Variants in SRGAP3 observed in about 807,000 individuals in gnomAD.
The protein encoded by SRGAP3 is SLIT-ROBO Rho GTPase-activating protein 3.
A neutral mutation model predicts 121.1 loss-of-function variants in SRGAP3; 39 were observed. The observed-to-expected ratio is 0.32, with a 90% CI of 0.25 to 0.42. The LOEUF is 0.42. Among genes scored for constraint, SRGAP3 ranks in the 10% least tolerant of loss-of-function variants. The probability of loss-of-function intolerance (pLI) is 1.00; values close to 1 mark genes in which losing one functional copy is unlikely to be tolerated. For missense variants in SRGAP3, 1,213 were observed against 1,470.6 expected (o/e 0.82, Z 2.86); for synonymous variants, 601 against 570.0 (o/e 1.05, Z -0.77).
intron 1 of SRGAP3, among the ~76,000 whole-genome samples, chr3:9,206,636 T>C (rs889084026): frequency 1.3e-5 from 2 of 152,170 alleles, no homozygotes; most frequent in African/African-American, 2.4e-5. Flanking sequence ...GCACATGCTG[T>C]TTCTCCCACC....
chr3:9,222,127 C>A (rs572484056), intron 1 of SRGAP3, among the ~76,000 whole-genome samples: 1 of 152,168 alleles, frequency 6.6e-6, no homozygotes, highest in African/African-American at 2.4e-5. Flanking sequence ...AGGGAGGAGG[C>A]ATCACAGACA....
intron 1 of SRGAP3, among the ~76,000 whole-genome samples, chr3:9,164,720 G>C (rs1349779095): frequency 6.6e-6 from 1 of 152,142 alleles, no homozygotes; most frequent in Non-Finnish European, 1.5e-5. Context: ...CATCTTCCTT[G>C]CCAAACAATA....
chr3:9,191,533 C>A (rs1202576978), intron 1 of SRGAP3, among the ~76,000 whole-genome samples: 2 of 152,180 alleles, frequency 1.3e-5, no homozygotes, highest in African/African-American at 4.8e-5. Flanking sequence ...TCAGGGAAGG[C>A]TCCACACAGG....
At chr3:9,017,968 C>G (rs56000527) in intron 14 of SRGAP3, among the ~76,000 whole-genome samples, 44,940 of 152,004 alleles carry the variant, frequency 0.3, 7,274 homozygotes, top group African/African-American at 0.43. Flanking sequence ...CTATCTAATT[C>G]TATGTCTGTA....
intron 2 of SRGAP3, among the ~76,000 whole-genome samples, chr3:9,329,448 A>G (rs997210457): frequency 6.6e-6 from 1 of 152,202 alleles, no homozygotes; most frequent in African/African-American, 2.4e-5. Context: ...TAAAACACAG[A>G]CATTAGCTAC....
At chr3:9,176,142 A>C (rs544523319) in intron 1 of SRGAP3, among the ~76,000 whole-genome samples, 1 of 152,214 alleles carries the variant, frequency 6.6e-6, no homozygotes, top group South Asian at 2.1e-4. Flanking sequence ...GGCTGGTCTC[A>C]AACTCCAGAC....
chr3:9,151,947 G>C (rs1319815039), intron 1 of SRGAP3, among the ~76,000 whole-genome samples: 1 of 152,204 alleles, frequency 6.6e-6, no homozygotes, highest in East Asian at 1.9e-4. Context: ...CCGGGTTCCT[G>C]GGCAGAGCCC....
chr3:9,336,860 G>A (rs1333131713), intron 1 of SRGAP3, among the ~76,000 whole-genome samples: 3 of 151,998 alleles, frequency 2.0e-5, no homozygotes, highest in African/African-American at 7.3e-5. Flanking sequence ...TACATGAATG[G>A]GCTCATGTAA....
rs973707635 is a variant in SRGAP3, at chr3:8,981,365, CCCCATGGTTGTGAG to C, written c.*4140_*4153del. The C allele has an allele frequency of 2.1e-5, 5 of 232,724 alleles. No homozygotes were observed. Among genetic ancestry groups the C allele is most frequent in the African/African-American group, 8.8e-5 (4 of 45,306 alleles). 14.4% of individuals were successfully genotyped at this position (232,724 alleles called of 1,614,324 possible). On this transcript the variant is annotated 3_prime_UTR_variant, in exon 22 of 22. Coordinates refer to ENST00000383836, the MANE Select transcript of SRGAP3 (RefSeq NM_014850.4). ...CGACTCCCAGCCCAGCAGGGGCTAA[CCCCATGGTTGTGAG>C]CCAGCCACTCTTCTTTCTGGGTTTC...
upstream of SRGAP3, among the ~76,000 whole-genome samples, chr3:9,252,236 C>G (rs1183380934): frequency 2.0e-5 from 3 of 152,096 alleles, no homozygotes; most frequent in Non-Finnish European, 4.4e-5. Context: ...GAGGCCTCAT[C>G]AGAAGCCAAG....
At chr3:9,348,976 G>A in intron 1 of SRGAP3, 1 of 919,198 alleles carries the variant, frequency 1.1e-6, no homozygotes, top group Non-Finnish European at 1.8e-6. Flanking sequence ...AGGGGAAGCA[G>A]GTACTAATTG....
intron 10 of SRGAP3, among the ~76,000 whole-genome samples, chr3:9,045,338 C>T (rs1016053836): frequency 6.6e-6 from 1 of 152,166 alleles, no homozygotes; most frequent in Non-Finnish European, 1.5e-5. Context: ...TTCTTAGCTG[C>T]CCCTCTACTT....
intron 3 of SRGAP3, among the ~76,000 whole-genome samples, chr3:9,308,246 A>T (rs768746683): frequency 3.3e-5 from 5 of 152,248 alleles, no homozygotes; most frequent in African/African-American, 9.6e-5. Flanking sequence ...ACACATCAAC[A>T]GTGGTACCCT....
intron 1 of SRGAP3, among the ~76,000 whole-genome samples, chr3:9,361,614 C>G (rs1399144830): frequency 6.6e-6 from 1 of 152,158 alleles, no homozygotes. Context: ...CTACTCATGA[C>G]AGGATGGGAA....
chr3:9,014,052 G>C, intron 15 of SRGAP3: 5 of 623,832 alleles, frequency 8.0e-6, no homozygotes, highest in South Asian at 5.3e-5. Context: ...GCCTAATCAA[G>C]AACCAATCAG....
chr3:9,168,533 A>C (rs1950873495), intron 1 of SRGAP3, among the ~76,000 whole-genome samples: 3 of 152,222 alleles, frequency 2.0e-5, no homozygotes. Flanking sequence ...GTTTCCATTC[A>C]CCTGCGCTTT....
intron 2 of SRGAP3, among the ~76,000 whole-genome samples, chr3:9,329,432 G>C (rs576499747): frequency 6.6e-6 from 1 of 152,052 alleles, no homozygotes; most frequent in Non-Finnish European, 1.5e-5. Context: ...AGCAAAATAC[G>C]TGTGATAAAA....
intron 4 of SRGAP3, among the ~76,000 whole-genome samples, chr3:9,069,563 G>A (rs1027503653): frequency 4.6e-5 from 7 of 152,200 alleles, no homozygotes; most frequent in African/African-American, 1.7e-4. Context: ...ACTGTTCTTG[G>A]ACCAAGTTCA....
chr3:9,069,320 A>G (rs1946572285), intron 4 of SRGAP3, among the ~76,000 whole-genome samples: 1 of 152,146 alleles, frequency 6.6e-6, no homozygotes, highest in Non-Finnish European at 1.5e-5. Flanking sequence ...AAGTGCTGTC[A>G]ACTGCAAATT....
Sources: allele counts gnomAD v4.1 joint callset (sites outside exome capture counted in the v4.1 genomes callset), GRCh38; gene constraint gnomAD v4.1.1; transcripts MANE v1.5; gene names NCBI Gene and HGNC (gene_info 2026-07-23, HGNC 2026-07-21).